GRIN2B: variants seen among roughly 807,000 people sequenced by gnomAD.
The protein encoded by GRIN2B is glutamate receptor ionotropic, NMDA 2B.
A neutral mutation model predicts 114.5 loss-of-function variants in GRIN2B; 5 were observed. The observed-to-expected ratio is 0.04, with a 90% CI of 0.02 to 0.09. The LOEUF is 0.09. Ranked by LOEUF, GRIN2B falls within the 10% of genes least tolerant of loss-of-function variation. GRIN2B has a pLI of 1.00. For missense variants in GRIN2B, 1,108 were observed against 1,943.5 expected (o/e 0.57, Z 8.08); for synonymous variants, 787 against 745.1 (o/e 1.06, Z -0.92).
chr12:13,892,245 C>A (rs768769155), intron 2 of GRIN2B, among the ~76,000 whole-genome samples: 8 of 152,162 alleles, frequency 5.3e-5, no homozygotes, highest in Non-Finnish European at 1.0e-4. Flanking sequence ...AATAGGTTTT[C>A]ATTCAGGGCC....
At chr12:13,622,461 A>T (rs942527622) in intron 5 of GRIN2B, among the ~76,000 whole-genome samples, 1 of 152,112 alleles carries the variant, frequency 6.6e-6, no homozygotes, top group Non-Finnish European at 1.5e-5. Flanking sequence ...CCACCCCCAA[A>T]GCTATACATC....
At chr12:13,884,620 C>A (rs1864477567) in intron 2 of GRIN2B, among the ~76,000 whole-genome samples, 1 of 151,962 alleles carries the variant, frequency 6.6e-6, no homozygotes, top group African/African-American at 2.4e-5. Flanking sequence ...CTGGCTAGGA[C>A]CTCCAATAAA....
In GRIN2B at chr12:13,740,899, G is replaced by C. The variant is rs1198974543; in HGVS notation, c.1010+12418C>G. On this transcript the variant is annotated intron_variant, in intron 4 of 13. Coordinates refer to ENST00000609686, the MANE Select transcript of GRIN2B (RefSeq NM_000834.5). Reference sequence around the variant, plus strand: ...GTAGAGATGGGCACACTTCAGGACAGAGAGTGAGATGAGCAGGTTCAGTGT... The same window carrying C: ...GTAGAGATGGGCACACTTCAGGACACAGAGTGAGATGAGCAGGTTCAGTGT... 2.0e-5 allele frequency among the ~76,000 whole-genome samples: 3 copies of C among 152,222 alleles called. No individual in the cohort carries two copies. In the East Asian group the frequency reaches 5.8e-4, roughly 29 times the overall value.
chr12:13,711,927 A>T (rs909367088), intron 4 of GRIN2B, among the ~76,000 whole-genome samples: 1 of 152,174 alleles, frequency 6.6e-6, no homozygotes, highest in African/African-American at 2.4e-5. Context: ...ACACATGCAC[A>T]TGTATGTTTA....
intron 3 of GRIN2B, among the ~76,000 whole-genome samples, chr12:13,817,921 G>T (rs1489954090): frequency 6.6e-6 from 1 of 152,124 alleles, no homozygotes; most frequent in Non-Finnish European, 1.5e-5. Context: ...AAAATAAGAT[G>T]GGAGTTCTGA....
chr12:13,833,288 T>G (rs1009880124), intron 3 of GRIN2B, among the ~76,000 whole-genome samples: 2 of 152,140 alleles, frequency 1.3e-5, no homozygotes, highest in African/African-American at 4.8e-5. Context: ...CAGAGGTAGG[T>G]ACTCAAACAG....
rs148256483 is a variant in GRIN2B, at chr12:13,901,715, A to G, written c.-18-35489T>C. On this transcript the variant is annotated intron_variant, in intron 2 of 13. Transcript: ENST00000609686. ...ATTATCTTTTTGGTATAATTTGACA[A>G]ATAAAAGACTTTAAGTTTAATATAG... Among the ~76,000 whole-genome samples, 915 of 152,184 alleles carry G rather than the reference A, an allele frequency of 6.0e-3. 14 individuals carry two copies. Among genetic ancestry groups the G allele is most frequent in the African/African-American group, 0.022 (895 of 41,556 alleles).
chr12:13,946,799 A>G (rs903514841), intron 2 of GRIN2B, among the ~76,000 whole-genome samples: 1 of 152,206 alleles, frequency 6.6e-6, no homozygotes, highest in Admixed American at 6.5e-5. Flanking sequence ...AGTTTAAAAT[A>G]TATAAAAATG....
chr12:13,800,533 T>C (rs1864490245), intron 3 of GRIN2B, among the ~76,000 whole-genome samples: 1 of 152,238 alleles, frequency 6.6e-6, no homozygotes, highest in African/African-American at 2.4e-5. Flanking sequence ...ATTTGGTTAT[T>C]AACCACGGTT....
intron 3 of GRIN2B, among the ~76,000 whole-genome samples, chr12:13,817,628 G>C (rs530929924): frequency 6.6e-6 from 1 of 152,128 alleles, no homozygotes; most frequent in East Asian, 1.9e-4. Context: ...ACTTAATAAA[G>C]GGAAGTTTCA....
chr12:13,691,054 C>T (rs532942797), intron 4 of GRIN2B, among the ~76,000 whole-genome samples: 2 of 152,128 alleles, frequency 1.3e-5, no homozygotes, highest in South Asian at 4.1e-4. Context: ...AAAATATCCT[C>T]AGTGGAGAAG....
At chr12:13,638,402 C>T (rs528847733) in intron 5 of GRIN2B, among the ~76,000 whole-genome samples, 1 of 152,024 alleles carries the variant, frequency 6.6e-6, no homozygotes, top group Non-Finnish European at 1.5e-5. Flanking sequence ...CACGTGAATG[C>T]ATAAGTACAT....
chr12:13,626,004 C>G (rs1949561626), intron 5 of GRIN2B, among the ~76,000 whole-genome samples: 1 of 152,172 alleles, frequency 6.6e-6, no homozygotes, highest in Non-Finnish European at 1.5e-5. Context: ...TCTAATGCCT[C>G]TTGGCTCAAG....
chr12:13,635,431 G>C (rs1042897049), intron 5 of GRIN2B, among the ~76,000 whole-genome samples: 1 of 152,144 alleles, frequency 6.6e-6, no homozygotes, highest in Non-Finnish European at 1.5e-5. Flanking sequence ...CAGACACCAT[G>C]TTACTAGTTT....
In GRIN2B at chr12:13,660,372, G is replaced by A. The variant is rs531362669; in HGVS notation, c.1125+15373C>T. ...AAAGGGTACATTTCTTGAGAACAGGGTGTCTATTTACCTTTATATTTTCCT... is the reference window on the plus strand; with the variant it reads ...AAAGGGTACATTTCTTGAGAACAGGATGTCTATTTACCTTTATATTTTCCT... On this transcript the variant is annotated intron_variant, in intron 5 of 13. Transcript: ENST00000609686. Among the ~76,000 whole-genome samples, 66 of 152,228 alleles carry A rather than the reference G, an allele frequency of 4.3e-4. No homozygotes were observed. The East Asian group carries it at 0.01, about 24-fold the overall frequency.
intron 4 of GRIN2B, among the ~76,000 whole-genome samples, chr12:13,677,787 A>T (rs747972400): frequency 1.4e-4 from 21 of 152,146 alleles, no homozygotes; most frequent in Middle Eastern, 6.8e-3. Flanking sequence ...CTCTTTAGAG[A>T]TTCTACAGTC....
intron 2 of GRIN2B, among the ~76,000 whole-genome samples, chr12:13,871,215 G>T (rs889664690): frequency 5.3e-5 from 8 of 151,950 alleles, no homozygotes; most frequent in African/African-American, 1.9e-4. Context: ...ATATAGAACA[G>T]AGAATAGATG....
chr12:13,953,645 T>C (rs1827291861), intron 2 of GRIN2B, among the ~76,000 whole-genome samples: 1 of 152,160 alleles, frequency 6.6e-6, no homozygotes, highest in Admixed American at 6.5e-5. Flanking sequence ...CCTTTCTCTC[T>C]GCTTTGGTCA....
At chr12:13,781,209 G>A (rs1371956885) in intron 3 of GRIN2B, among the ~76,000 whole-genome samples, 1 of 152,132 alleles carries the variant, frequency 6.6e-6, no homozygotes, top group African/African-American at 2.4e-5. Context: ...AATAATGAAG[G>A]TGTCAGTTGG....
Sources: allele counts gnomAD v4.1 joint callset (sites outside exome capture counted in the v4.1 genomes callset), GRCh38; gene constraint gnomAD v4.1.1; transcripts MANE v1.5; gene names NCBI Gene and HGNC (gene_info 2026-07-23, HGNC 2026-07-21).